The following ATP9A variants were observed in gnomAD, a reference collection of about 807,000 sequenced individuals.
The protein encoded by ATP9A is ATPase phospholipid transporting 9A, also known as probable phospholipid-transporting ATPase IIA.
A neutral mutation model predicts 144.1 loss-of-function variants in ATP9A; 52 were observed. That is an observed-to-expected ratio of 0.36 (90% CI 0.29 to 0.45). The LOEUF is 0.45. Ranked by LOEUF, ATP9A falls within the 20% of genes least tolerant of loss-of-function variation. The pLI, the probability that ATP9A is intolerant of heterozygous loss-of-function variation, is 1.00. For synonymous variants in ATP9A, 582 were observed against 557.4 expected (o/e 1.04, Z -0.62); for missense variants, 947 against 1,392.7 (o/e 0.68, Z 5.09).
At chr20:51,708,594 G>T (rs527335510) in intron 4 of ATP9A, among the ~76,000 whole-genome samples, 1 of 152,158 alleles carries the variant, frequency 6.6e-6, no homozygotes, top group South Asian at 2.1e-4. Flanking sequence ...AATTAGCCAG[G>T]CATGGTGGCG....
At chr20:51,752,518 C>G (rs1228659350) in intron 1 of ATP9A, among the ~76,000 whole-genome samples, 1 of 152,176 alleles carries the variant, frequency 6.6e-6, no homozygotes, top group Non-Finnish European at 1.5e-5. Context: ...TCAACAGTAG[C>G]TATTTTTAGT....
chr20:51,641,715 C>T (rs1366552354), intron 14 of ATP9A, among the ~76,000 whole-genome samples: 1 of 149,576 alleles, frequency 6.7e-6, no homozygotes, highest in Non-Finnish European at 1.5e-5. Flanking sequence ...CCTGTAATCC[C>T]AGCTACCAGG....
At chr20:51,672,268 C>T (rs1479851155) in intron 11 of ATP9A, among the ~76,000 whole-genome samples, 1 of 152,122 alleles carries the variant, frequency 6.6e-6, no homozygotes, top group African/African-American at 2.4e-5. Context: ...AAGAGTATTC[C>T]ATTGTATGTA....
At chr20:51,645,657 T>A (rs2077339327) in intron 14 of ATP9A, among the ~76,000 whole-genome samples, 1 of 152,154 alleles carries the variant, frequency 6.6e-6, no homozygotes, top group South Asian at 2.1e-4. Context: ...CTTAAGTCAG[T>A]GTTAATTTAA....
At chr20:51,714,237 C>G (rs2077652382) in intron 3 of ATP9A, among the ~76,000 whole-genome samples, 1 of 151,942 alleles carries the variant, frequency 6.6e-6, no homozygotes, top group African/African-American at 2.4e-5. Context: ...GGCAGGAGTG[C>G]AGTAGCATGA....
rs1299574220 is a variant in ATP9A, at chr20:51,635,759, AAGAG to A, written c.1668+3580_1668+3583del. On this transcript the variant is annotated intron_variant, in intron 15 of 27. Coordinates refer to ENST00000338821, the MANE Select transcript of ATP9A (RefSeq NM_006045.3). ...GAAGGAAGGAAGGAAGGAAAAAGAG[AAGAG>A]AAAAGAAAAGAGAAAAGGAAGGAAA... 1.5e-4 allele frequency among the ~76,000 whole-genome samples: 20 copies of A among 136,146 alleles called. 1 individual carries two copies. Among genetic ancestry groups the A allele is most frequent in the African/African-American group, 5.0e-4 (19 of 38,296 alleles). The allele number at this position is 136,146 out of a possible 152,430, so 89.3% of individuals were successfully genotyped here. A position where few individuals can be genotyped will look rare whatever the true frequency, so the allele number is the denominator to read the frequency against.
intron 13 of ATP9A, among the ~76,000 whole-genome samples, chr20:51,658,255 T>C (rs2077395313): frequency 6.6e-6 from 1 of 151,348 alleles, no homozygotes; most frequent in Admixed American, 6.6e-5. Context: ...AGGTCAGGAG[T>C]TCAAGACCAG....
In ATP9A at chr20:51,754,926, A is replaced by G. The variant is rs1293668845; in HGVS notation, c.68+13376T>C. 2.0e-5 allele frequency among the ~76,000 whole-genome samples: 3 copies of G among 152,086 alleles called. No homozygotes were observed. The East Asian group carries it at 5.8e-4, about 29-fold the overall frequency. On this transcript the variant is annotated intron_variant, in intron 1 of 27. Coordinates refer to ENST00000338821, the MANE Select transcript of ATP9A (RefSeq NM_006045.3). ...GGAGTTTGAGACCAGCCTGTCCAAC[A>G]TGGTGAAACCCCATCCCTACTAAAA... is the stretch of plus-strand genomic sequence containing the variant.
At chr20:51,606,173 C>T (rs951819321) in intron 26 of ATP9A, among the ~76,000 whole-genome samples, 3 of 152,096 alleles carry the variant, frequency 2.0e-5, no homozygotes, top group African/African-American at 7.2e-5. Context: ...CGGAGAATCG[C>T]TTGAAACCAT....
chr20:51,609,416 G>A (rs2077176668), intron 24 of ATP9A, among the ~76,000 whole-genome samples: 4 of 152,126 alleles, frequency 2.6e-5, no homozygotes. Context: ...TCCCGCACCC[G>A]CCGTCTCCTC....
intron 4 of ATP9A, among the ~76,000 whole-genome samples, chr20:51,705,482 C>G (rs190880698): frequency 6.6e-6 from 1 of 152,300 alleles, no homozygotes; most frequent in Admixed American, 6.5e-5. Flanking sequence ...TGAAGATACG[C>G]AAAAGAGCAT....
chr20:51,703,176 C>T (rs966048321), intron 4 of ATP9A, among the ~76,000 whole-genome samples: 1 of 152,108 alleles, frequency 6.6e-6, no homozygotes, highest in African/African-American at 2.4e-5. Flanking sequence ...ACCCCACCTC[C>T]CACCACAATT....
Position 51,605,010 on chromosome 20 carries a change from G to T in ATP9A, c.2814C>A (p.Ile938=), listed in dbSNP as rs1330797418. The T allele has an allele frequency of 1.2e-6, 2 of 1,607,632 alleles. No individual in the cohort carries two copies. The highest frequency in any genetic ancestry group is 2.7e-5 in the African/African-American group (2 of 74,636). Residue 938 remains isoleucine, a synonymous_variant, in exon 27 of 28, where the codon ATC becomes ATA. Transcript: ENST00000338821. ...CAAACAGCAGCAGCGCCCCGTACATGATGGTGCTCCCTGCAAACACCAGAG... is the reference window on the plus strand; with the variant it reads ...CAAACAGCAGCAGCGCCCCGTACATTATGGTGCTCCCTGCAAACACCAGAG... ...VLISIYQGST[I]MYGALLLFES... is the part of the protein sequence containing the mutation.
At chr20:51,604,334 GAGC>G (rs2077154787) in intron 27 of ATP9A, among the ~76,000 whole-genome samples, 1 of 152,158 alleles carries the variant, frequency 6.6e-6, no homozygotes, top group South Asian at 2.1e-4. Context: ...TTGCTGTGAG[GAGC>G]AGCAGATTGT....
At chr20:51,663,028 C>A (rs1038616432) in intron 13 of ATP9A, among the ~76,000 whole-genome samples, 5 of 152,082 alleles carry the variant, frequency 3.3e-5, no homozygotes, top group African/African-American at 1.2e-4. Context: ...CAAGATCACA[C>A]CACTGCACTC....
Position 51,733,527 on chromosome 20 carries a change from C to T in ATP9A, c.69-3549G>A, listed in dbSNP as rs1161022438. Among the ~76,000 whole-genome samples, 4 of 152,256 alleles carry T rather than the reference C, an allele frequency of 2.6e-5. No homozygotes were observed. In the East Asian group the frequency reaches 5.8e-4, roughly 22 times the overall value. ...TAGCTGGGATTACAGGCGTGCGCCA[C>T]CACACCCAGCTAATTTTTGTATTTT... On this transcript the variant is annotated intron_variant, in intron 1 of 27. Transcript: ENST00000338821.
chr20:51,760,821 A>G (rs1289035370), intron 1 of ATP9A, among the ~76,000 whole-genome samples: 2 of 152,014 alleles, frequency 1.3e-5, no homozygotes, highest in African/African-American at 4.8e-5. Flanking sequence ...TCAAGAGATC[A>G]AGACCATCCT....
At chr20:51,663,795 G>GA (rs56793951) in intron 13 of ATP9A, among the ~76,000 whole-genome samples, 5,998 of 114,806 alleles carry the variant, frequency 0.052, 281 homozygotes, top group African/African-American at 0.11. Flanking sequence ...CTCCGTCTCA[G>GA]AAAAAAAAAA....
Position 51,727,026 on chromosome 20 carries a change from G to A in ATP9A, c.214-1094C>T, listed in dbSNP as rs899604730. ...AAGTTATGTCCAGCCAGGCGCAGAGGCTCACACCTGTAATCCCAGCACTTT... is the reference window on the plus strand; with the variant it reads ...AAGTTATGTCCAGCCAGGCGCAGAGACTCACACCTGTAATCCCAGCACTTT... On this transcript the variant is annotated intron_variant, in intron 2 of 27. Coordinates refer to ENST00000338821, the MANE Select transcript of ATP9A (RefSeq NM_006045.3). Among the ~76,000 whole-genome samples the A allele has an allele frequency of 7.3e-5, 11 of 151,126 alleles. No individual in the cohort carries two copies. In the East Asian group the frequency reaches 1.9e-3, roughly 27 times the overall value.
Sources: gnomAD v4.1 joint callset for allele counts (sites outside exome capture counted in the v4.1 genomes callset) on GRCh38, gnomAD v4.1.1 for gene constraint, MANE v1.5 for transcripts, NCBI Gene and HGNC (gene_info 2026-07-23, HGNC 2026-07-21) for gene names.